The following NSMCE2 variants were observed in gnomAD, a reference collection of about 807,000 sequenced individuals.
The protein encoded by NSMCE2 is E3 SUMO-protein ligase NSE2.
A neutral mutation model predicts 23.8 loss-of-function variants in NSMCE2; 24 were observed. The observed-to-expected ratio is 1.01, with a 90% confidence interval of 0.73 to 1.42. The LOEUF (loss-of-function observed/expected upper bound fraction) is 1.42, where lower values mean the gene tolerates loss of function less well. NSMCE2 is among the 40% of genes most tolerant of loss of function. The pLI, the probability that NSMCE2 is intolerant of heterozygous loss-of-function variation, is 0.00. For synonymous variants in NSMCE2, 92 were observed against 94.1 expected, an observed-to-expected ratio of 0.98 and a Z score of 0.13; for missense variants, 284 against 296.5, an observed-to-expected ratio of 0.96 and a Z score of 0.31.
intron 5 of NSMCE2, among the ~76,000 whole-genome samples, chr8:125,320,054 T>C (rs1039368224): frequency 6.6e-6 from 1 of 151,664 alleles, no homozygotes; most frequent in Non-Finnish European, 1.5e-5. Context: ...CATGCACTTA[T>C]AGTCCCACCT....
intron 5 of NSMCE2, among the ~76,000 whole-genome samples, chr8:125,300,630 T>C (rs1423403303): frequency 6.6e-6 from 1 of 152,162 alleles, no homozygotes; most frequent in Non-Finnish European, 1.5e-5. Flanking sequence ...GCGAAGAACA[T>C]CGTCCCTGCA....
intron 5 of NSMCE2, among the ~76,000 whole-genome samples, chr8:125,352,321 T>C (rs1563801178): frequency 6.6e-6 from 1 of 151,454 alleles, no homozygotes; most frequent in East Asian, 2.0e-4. Context: ...CTACTAAAAA[T>C]ACAAAATTAG....
chr8:125,352,973 C>T (rs1813102415), intron 5 of NSMCE2, among the ~76,000 whole-genome samples: 1 of 152,174 alleles, frequency 6.6e-6, no homozygotes, highest in South Asian at 2.1e-4. Flanking sequence ...ACATTCTTCC[C>T]CAGTCTCACT....
chr8:125,138,222 T>C (rs1820167502), intron 3 of NSMCE2, among the ~76,000 whole-genome samples: 1 of 152,180 alleles, frequency 6.6e-6, no homozygotes, highest in African/African-American at 2.4e-5. Context: ...TTTTTCTTTT[T>C]AAATTTATTT....
chr8:125,218,408 T>G (rs775064465), intron 5 of NSMCE2, among the ~76,000 whole-genome samples: 67 of 147,774 alleles, frequency 4.5e-4, no homozygotes, highest in Non-Finnish European at 8.7e-4. Context: ...TTCTGAAAAA[T>G]TGAGGGTTTT....
rs544628136 is a variant in NSMCE2 at position 125,167,224 on chromosome 8, G to C, written c.265-14879G>C. 2.6e-5 allele frequency among the ~76,000 whole-genome samples: 4 copies of C among 152,294 alleles called. No homozygotes were observed. The South Asian group carries it at 8.3e-4, about 32-fold the overall frequency. ...ACTACTGAGTTGTGTAGTAAAGCGAGGTTTATCTAAATATGTAGAAGAAAG... is the reference window on the plus strand; with the variant it reads ...ACTACTGAGTTGTGTAGTAAAGCGACGTTTATCTAAATATGTAGAAGAAAG... On this transcript the variant is annotated intron_variant, in intron 4 of 7. Transcript: ENST00000287437.
intron 5 of NSMCE2, among the ~76,000 whole-genome samples, chr8:125,309,248 C>CAAAAAA (rs111355815): frequency 1.2e-4 from 8 of 65,506 alleles, no homozygotes; most frequent in Non-Finnish European, 1.8e-4. Flanking sequence ...AACTCTGTCT[C>CAAAAAA]AAAAAAAAAA....
intron 5 of NSMCE2, among the ~76,000 whole-genome samples, chr8:125,335,947 AT>A (rs1586788217): frequency 6.6e-6 from 1 of 152,238 alleles, no homozygotes; most frequent in East Asian, 1.9e-4. Context: ...ATCTGTGTAT[AT>A]ATGACATTGT....
Position 125,251,983 on chromosome 8 carries a change from CT to C in NSMCE2, c.418+69730del, listed in dbSNP as rs1398203313. On this transcript the variant is annotated intron_variant, in intron 5 of 7. Transcript: ENST00000287437. ...GATCTAAGAGATTTACACAATATCACTTTGGTGATAAACCATTGAAATATGG... is the reference window on the plus strand; with the variant it reads ...GATCTAAGAGATTTACACAATATCACTTGGTGATAAACCATTGAAATATGG... 2.0e-5 allele frequency among the ~76,000 whole-genome samples: 3 copies of C among 152,276 alleles called. No homozygotes were observed. The East Asian group carries it at 5.8e-4, about 29-fold the overall frequency.
At chr8:125,241,521 G>A (rs1253661324) in intron 5 of NSMCE2, among the ~76,000 whole-genome samples, 5 of 152,212 alleles carry the variant, frequency 3.3e-5, no homozygotes, top group East Asian at 3.8e-4. Context: ...GGAATGCTAC[G>A]TTTAAAGTTA....
intron 5 of NSMCE2, among the ~76,000 whole-genome samples, chr8:125,298,525 T>G (rs1828416859): frequency 6.6e-6 from 1 of 152,166 alleles, no homozygotes; most frequent in African/African-American, 2.4e-5. Context: ...GTGCTGATGC[T>G]GCGCCTCATT....
At chr8:125,269,524 A>G (rs1563754241) in intron 5 of NSMCE2, among the ~76,000 whole-genome samples, 1 of 152,116 alleles carries the variant, frequency 6.6e-6, no homozygotes, top group African/African-American at 2.4e-5. Flanking sequence ...CTGCTTGATC[A>G]ATTTATTTCC....
At chr8:125,279,511 A>G (rs534943795) in intron 5 of NSMCE2, among the ~76,000 whole-genome samples, 29 of 152,328 alleles carry the variant, frequency 1.9e-4, no homozygotes, top group Admixed American at 4.6e-4. Flanking sequence ...GACTGGGGTA[A>G]GTAAGGTCAA....
At chr8:125,343,494 C>CAA (rs1830322963) in intron 5 of NSMCE2, among the ~76,000 whole-genome samples, 1 of 148,722 alleles carries the variant, frequency 6.7e-6, no homozygotes, top group Non-Finnish European at 1.5e-5. Flanking sequence ...TATGAATTAG[C>CAA]CAGGCGTGTT....
intron 3 of NSMCE2, among the ~76,000 whole-genome samples, chr8:125,140,827 A>C (rs1224284073): frequency 6.6e-6 from 1 of 152,158 alleles, no homozygotes; most frequent in Non-Finnish European, 1.5e-5. Flanking sequence ...GACCAGAGAG[A>C]AGTGGCAGTT....
chr8:125,364,805 G>A (rs894969449), intron 7 of NSMCE2, among the ~76,000 whole-genome samples: 2 of 152,160 alleles, frequency 1.3e-5, no homozygotes, highest in African/African-American at 2.4e-5. Flanking sequence ...GGAAATAAGG[G>A]TTCTCTCCCC....
intron 5 of NSMCE2, among the ~76,000 whole-genome samples, chr8:125,332,531 G>A (rs1354743316): frequency 2.6e-5 from 4 of 152,212 alleles, no homozygotes; most frequent in African/African-American, 7.2e-5. Context: ...TGCATAGTAA[G>A]CTTTCAGTAA....
chr8:125,251,646 A>G (rs530587907), intron 5 of NSMCE2, among the ~76,000 whole-genome samples: 2 of 152,328 alleles, frequency 1.3e-5, no homozygotes, highest in African/African-American at 4.8e-5. Flanking sequence ...CAAAAATAGC[A>G]ACCACTTATT....
chr8:125,338,198 T>C (rs895308099), intron 5 of NSMCE2, among the ~76,000 whole-genome samples: 1 of 151,824 alleles, frequency 6.6e-6, no homozygotes, highest in Non-Finnish European at 1.5e-5. Flanking sequence ...GTCATTCTGG[T>C]GCCCTTTCCA....
Sources: allele counts gnomAD v4.1 joint callset (sites outside exome capture counted in the v4.1 genomes callset), GRCh38; gene constraint gnomAD v4.1.1; transcripts MANE v1.5; gene names NCBI Gene and HGNC (gene_info 2026-07-23, HGNC 2026-07-21).